The following TBC1D5 variants were observed in gnomAD, a reference collection of about 807,000 sequenced individuals.
TBC1D5 encodes TBC1 domain family, member 5.
In TBC1D5, 75 loss-of-function variants were observed where a neutral mutation model predicts 100.3. The observed-to-expected ratio is 0.75, with a 90% CI of 0.62 to 0.91. TBC1D5 has a LOEUF of 0.91. Ranked by LOEUF, TBC1D5 falls within the 40% of genes least tolerant of loss-of-function variation. The pLI, the probability that TBC1D5 is intolerant of heterozygous loss-of-function variation, is 0.00. For synonymous variants in TBC1D5, 323 were observed against 325.6 expected (o/e 0.99, Z 0.09); for missense variants, 910 against 942.4 (o/e 0.97, Z 0.45).
chr3:17,344,420 T>C (rs371084102), intron 13 of TBC1D5, among the ~76,000 whole-genome samples: 31 of 151,804 alleles, frequency 2.0e-4, no homozygotes, highest in Non-Finnish European at 3.7e-4. Context: ...TAAAAGAGGA[T>C]ACAAACAAAT....
At chr3:17,667,564 A>G (rs1224814435) in intron 1 of TBC1D5, among the ~76,000 whole-genome samples, 1 of 151,678 alleles carries the variant, frequency 6.6e-6, no homozygotes, top group Non-Finnish European at 1.5e-5. Flanking sequence ...TGATCCTCCA[A>G]CCTCAGTCTT....
chr3:17,317,927 C>T (rs937795089), intron 13 of TBC1D5, among the ~76,000 whole-genome samples: 4 of 152,052 alleles, frequency 2.6e-5, no homozygotes, highest in South Asian at 2.1e-4. Flanking sequence ...CACATGCACA[C>T]GTATGTTTAT....
At chr3:17,173,856 G>A (rs1318684238) in intron 19 of TBC1D5, among the ~76,000 whole-genome samples, 1 of 152,214 alleles carries the variant, frequency 6.6e-6, no homozygotes, top group African/African-American at 2.4e-5. Context: ...AGTGGCTTAA[G>A]AGGTGGCCAT....
intron 4 of TBC1D5, among the ~76,000 whole-genome samples, chr3:17,423,136 T>G (rs2094254954): frequency 6.6e-6 from 1 of 152,160 alleles, no homozygotes; most frequent in African/African-American, 2.4e-5. Flanking sequence ...ATCAAGACAT[T>G]AGAACACCAT....
intron 17 of TBC1D5, among the ~76,000 whole-genome samples, chr3:17,232,323 C>T (rs1048062726): frequency 2.6e-5 from 4 of 152,176 alleles, no homozygotes; most frequent in African/African-American, 9.7e-5. Flanking sequence ...TACTCTGTAG[C>T]AATTAATGTT....
intron 17 of TBC1D5, among the ~76,000 whole-genome samples, chr3:17,235,066 C>T (rs2075750706): frequency 6.6e-6 from 1 of 152,042 alleles, no homozygotes; most frequent in African/African-American, 2.4e-5. Context: ...CAATTCTGTG[C>T]CTGCTACCTG....
At chr3:17,701,436 T>C (rs1275125962) in intron 1 of TBC1D5, among the ~76,000 whole-genome samples, 2 of 152,064 alleles carry the variant, frequency 1.3e-5, no homozygotes, top group African/African-American at 4.8e-5. Context: ...GTATCAAACC[T>C]GCACATTCTG....
chr3:17,498,879 A>C (rs911389407), intron 3 of TBC1D5, among the ~76,000 whole-genome samples: 1 of 151,900 alleles, frequency 6.6e-6, no homozygotes, highest in Non-Finnish European at 1.5e-5. Flanking sequence ...CAGCTATATT[A>C]AAAAAAATGC....
At chr3:17,242,239 C>T (rs947277828) in intron 16 of TBC1D5, among the ~76,000 whole-genome samples, 5 of 152,252 alleles carry the variant, frequency 3.3e-5, no homozygotes, top group Admixed American at 2.0e-4. Flanking sequence ...ACCATTATCA[C>T]ATTATCACCT....
At chr3:17,466,229 A>G (rs2095299181) in intron 3 of TBC1D5, among the ~76,000 whole-genome samples, 1 of 152,236 alleles carries the variant, frequency 6.6e-6, no homozygotes, top group African/African-American at 2.4e-5. Flanking sequence ...GTATGTCATG[A>G]TGAAATGCTA....
intron 1 of TBC1D5, among the ~76,000 whole-genome samples, chr3:17,693,784 G>T (rs886841532): frequency 1.3e-5 from 2 of 152,178 alleles, no homozygotes; most frequent in African/African-American, 4.8e-5. Context: ...CTCCTCAATT[G>T]GGTCCCTGAA....
At chr3:17,481,645 C>T (rs2095503562) in intron 3 of TBC1D5, among the ~76,000 whole-genome samples, 2 of 152,260 alleles carry the variant, frequency 1.3e-5, no homozygotes, top group Non-Finnish European at 1.5e-5. Context: ...AACAATGCCA[C>T]TCTTCGTAAG....
At chr3:17,168,894 G>A (rs1262943482) in intron 19 of TBC1D5, among the ~76,000 whole-genome samples, 2 of 152,078 alleles carry the variant, frequency 1.3e-5, no homozygotes, top group African/African-American at 4.8e-5. Context: ...GCTTGGCCCC[G>A]TACAGCTACT....
intron 19 of TBC1D5, among the ~76,000 whole-genome samples, chr3:17,178,096 C>T (rs1297872690): frequency 2.7e-4 from 37 of 138,198 alleles, no homozygotes; most frequent in African/African-American, 7.0e-4. Flanking sequence ...GATGGAGTCT[C>T]GCTCTGTCGC....
At chr3:17,230,169 G>A (rs1456517158) in intron 17 of TBC1D5, among the ~76,000 whole-genome samples, 2 of 151,988 alleles carry the variant, frequency 1.3e-5, no homozygotes, top group African/African-American at 4.8e-5. Context: ...TCACTCTTGT[G>A]AGTGGAAGCT....
intron 1 of TBC1D5, among the ~76,000 whole-genome samples, chr3:17,704,989 G>A (rs2073842943): frequency 7.8e-6 from 1 of 128,550 alleles, no homozygotes; most frequent in Non-Finnish European, 1.7e-5. Context: ...GGGGCGGCTG[G>A]CCGGGCGGAG....
intron 2 of TBC1D5, among the ~76,000 whole-genome samples, chr3:17,600,323 A>G (rs925095588): frequency 2.0e-5 from 3 of 152,260 alleles, no homozygotes; most frequent in African/African-American, 7.2e-5. Context: ...GTAGGTTTCT[A>G]ACAAACTAGT....
In TBC1D5 at chr3:17,313,060, A is replaced by C. The variant is rs141170878; in HGVS notation, c.996-4926T>G. Among the ~76,000 whole-genome samples the C allele has an allele frequency of 5.5e-3, 840 of 152,288 alleles. 5 individuals are homozygous for C. The highest frequency in any genetic ancestry group is 0.019 in the African/African-American group (791 of 41,568). On this transcript the variant is annotated intron_variant, in intron 13 of 21. Coordinates refer to ENST00000253692, the Ensembl canonical transcript of TBC1D5. Reference sequence around the variant, plus strand: ...TTTACCAGGAAATTCCAATAAAGCTAATGCATGATGGTAATAGTCTAATAC... The same window carrying C: ...TTTACCAGGAAATTCCAATAAAGCTCATGCATGATGGTAATAGTCTAATAC...
At chr3:17,428,386 T>C (rs959618288) in intron 4 of TBC1D5, 64 bp downstream of exon 4, 8 of 520,508 alleles carry the variant, frequency 1.5e-5, no homozygotes, top group Non-Finnish European at 1.9e-5. Flanking sequence ...CATTATCTTA[T>C]AATATTATAT....
Sources: allele counts gnomAD v4.1 joint callset (sites outside exome capture counted in the v4.1 genomes callset), GRCh38; gene constraint gnomAD v4.1.1; transcripts MANE v1.5; gene names NCBI Gene and HGNC (gene_info 2026-07-23, HGNC 2026-07-21).